Variants in MDGA2 observed in about 807,000 individuals in gnomAD.
MDGA2 encodes MAM domain-containing glycosylphosphatidylinositol anchor protein 2.
MDGA2 carries 40 observed loss-of-function variants against 117.8 expected under a neutral mutation model. That is an observed-to-expected ratio of 0.34 (90% CI 0.26 to 0.44). MDGA2 has a LOEUF of 0.44. Among genes scored for constraint, MDGA2 ranks in the 20% least tolerant of loss-of-function variants. MDGA2 has a pLI of 1.00. For missense variants in MDGA2, 1,123 were observed against 1,250.6 expected (o/e 0.90, Z 1.54); for synonymous variants, 452 against 439.0 (o/e 1.03, Z -0.37).
At chr14:47,225,821 A>AT (rs951481814) in intron 2 of MDGA2, among the ~76,000 whole-genome samples, 8 of 135,238 alleles carry the variant, frequency 5.9e-5, no homozygotes, top group Admixed American at 2.1e-4. Flanking sequence ...ATAATAATAA[A>AT]TAAAAAAAAA....
At chr14:47,099,975 G>A (rs1594619304) in intron 5 of MDGA2, among the ~76,000 whole-genome samples, 1 of 151,952 alleles carries the variant, frequency 6.6e-6, no homozygotes, top group Non-Finnish European at 1.5e-5. Flanking sequence ...GGCAGTAAAT[G>A]GGAAAATGAA....
chr14:47,243,783 C>G (rs1419747694), intron 2 of MDGA2, among the ~76,000 whole-genome samples: 1 of 151,736 alleles, frequency 6.6e-6, no homozygotes, highest in Non-Finnish European at 1.5e-5. Context: ...TCAGTGAGAC[C>G]AAGAACCCAC....
rs1229285188 is a variant in MDGA2 at position 47,482,847 on chromosome 14, T to C, written c.281-181297A>G. Among the ~76,000 whole-genome samples, 5 of 151,092 alleles carry C rather than the reference T, an allele frequency of 3.3e-5. No individual in the cohort carries two copies. The South Asian group carries it at 1.0e-3, about 32-fold the overall frequency. On this transcript the variant is annotated intron_variant, in intron 1 of 16. Coordinates refer to ENST00000399232, the MANE Select transcript of MDGA2 (RefSeq NM_001113498.3). Reference sequence around the variant, plus strand: ...TGTATTCTGGAGGTCAGATTCTAGATATATTCTAAAAATATAGGCAAGAAG... The same window carrying C: ...TGTATTCTGGAGGTCAGATTCTAGACATATTCTAAAAATATAGGCAAGAAG...
chr14:47,176,625 C>A (rs974658300), intron 3 of MDGA2, among the ~76,000 whole-genome samples: 32 of 152,144 alleles, frequency 2.1e-4, no homozygotes, highest in African/African-American at 7.5e-4. Flanking sequence ...TGGATCCCTT[C>A]CTTACACCTT....
At chr14:47,506,111 T>C (rs1210401532) in intron 1 of MDGA2, among the ~76,000 whole-genome samples, 2 of 152,152 alleles carry the variant, frequency 1.3e-5, no homozygotes, top group Admixed American at 1.3e-4. Flanking sequence ...GTTCCTATTG[T>C]CTGGAATGAT....
intron 3 of MDGA2, among the ~76,000 whole-genome samples, chr14:47,149,173 C>T (rs192525391): frequency 6.6e-6 from 1 of 151,982 alleles, no homozygotes; most frequent in Non-Finnish European, 1.5e-5. Context: ...ACCTATAGTC[C>T]CAGCTAGTCA....
intron 1 of MDGA2, among the ~76,000 whole-genome samples, chr14:47,628,486 G>A (rs941339178): frequency 3.9e-5 from 6 of 152,110 alleles, no homozygotes; most frequent in Non-Finnish European, 4.4e-5. Flanking sequence ...TATTCTTGAC[G>A]AATTGTGATT....
At chr14:47,629,819 C>G (rs1594952485) in intron 1 of MDGA2, among the ~76,000 whole-genome samples, 1 of 152,168 alleles carries the variant, frequency 6.6e-6, no homozygotes, top group East Asian at 1.9e-4. Context: ...GAAGAAAAGG[C>G]TTCCCTTGAG....
chr14:46,873,081 T>A (rs1052800616), intron 14 of MDGA2, among the ~76,000 whole-genome samples: 3 of 151,980 alleles, frequency 2.0e-5, no homozygotes, highest in African/African-American at 7.2e-5. Context: ...CTTTTCATCA[T>A]GATTAATATG....
At chr14:46,977,083 T>TA (rs1200565028) in intron 8 of MDGA2, among the ~76,000 whole-genome samples, 5 of 151,908 alleles carry the variant, frequency 3.3e-5, no homozygotes, top group Non-Finnish European at 7.4e-5. Context: ...TTTTGCTTTA[T>TA]AAAATAGATA....
At chr14:47,257,744 C>A (rs567463212) in intron 2 of MDGA2, among the ~76,000 whole-genome samples, 1 of 152,104 alleles carries the variant, frequency 6.6e-6, no homozygotes, top group Non-Finnish European at 1.5e-5. Flanking sequence ...CCTGAAAAGA[C>A]AGGAAGAACA....
chr14:47,666,796 T>G (rs1442017931), intron 1 of MDGA2, among the ~76,000 whole-genome samples: 3 of 152,142 alleles, frequency 2.0e-5, no homozygotes, highest in African/African-American at 7.2e-5. Flanking sequence ...CACATTGCCT[T>G]TATGAGCTAT....
intron 1 of MDGA2, among the ~76,000 whole-genome samples, chr14:47,479,862 C>G (rs994010947): frequency 6.6e-6 from 1 of 152,036 alleles, no homozygotes; most frequent in Non-Finnish European, 1.5e-5. Context: ...GTTATATTTA[C>G]ACCAACAATT....
At chr14:47,060,983 T>C (rs1218635768) in intron 7 of MDGA2, among the ~76,000 whole-genome samples, 1 of 152,044 alleles carries the variant, frequency 6.6e-6, no homozygotes, top group Non-Finnish European at 1.5e-5. Context: ...ATACTAGTAT[T>C]ATTTAACTTA....
chr14:47,449,592 T>C (rs957091611), intron 1 of MDGA2, among the ~76,000 whole-genome samples: 37 of 152,098 alleles, frequency 2.4e-4, no homozygotes, highest in African/African-American at 8.4e-4. Flanking sequence ...AAGAGGTTAA[T>C]AACATTAAAA....
intron 7 of MDGA2, among the ~76,000 whole-genome samples, chr14:47,040,378 T>C (rs1008114874): frequency 1.7e-4 from 26 of 152,234 alleles, no homozygotes; most frequent in African/African-American, 6.3e-4. Flanking sequence ...ACAATATATA[T>C]AGTGCATAAT....
rs563014328 is a variant in MDGA2, at chr14:47,626,029, C to T, written c.280+48488G>A. 2.0e-5 allele frequency among the ~76,000 whole-genome samples: 3 copies of T among 152,254 alleles called. No homozygotes were observed. In the South Asian group the frequency reaches 6.2e-4, roughly 32 times the overall value. The stretch of plus-strand genomic sequence containing the variant: ...TCCTAGACCTAGAATCCTTTGCTTC[C>T]CATCAATGGTACAGTGAGACTCACT... On this transcript the variant is annotated intron_variant, in intron 1 of 16. Transcript: ENST00000399232.
intron 14 of MDGA2, among the ~76,000 whole-genome samples, chr14:46,866,123 A>G (rs1182808525): frequency 5.4e-5 from 8 of 149,356 alleles, no homozygotes; most frequent in African/African-American, 1.2e-4. Context: ...GAGGCATCAC[A>G]CTACCTGACT....
At chr14:47,360,386 T>TAAATA (rs1555376187) in intron 1 of MDGA2, among the ~76,000 whole-genome samples, 1,300 of 125,612 alleles carry the variant, frequency 0.01, 6 homozygotes, top group Middle Eastern at 0.056. Context: ...AATAAATAAA[T>TAAATA]AAATAAAATA....
Sources: allele counts gnomAD v4.1 joint callset (sites outside exome capture counted in the v4.1 genomes callset), GRCh38; gene constraint gnomAD v4.1.1; transcripts MANE v1.5; gene names NCBI Gene and HGNC (gene_info 2026-07-23, HGNC 2026-07-21).